Variants in NTM observed in about 807,000 individuals in gnomAD.
NTM encodes neurotrimin.
In NTM, 13 loss-of-function variants were observed where a neutral mutation model predicts 42.1. The ratio of observed to expected loss-of-function variants is 0.31; its 90% CI spans 0.20 to 0.49. The LOEUF (loss-of-function observed/expected upper bound fraction) is 0.49, where lower values mean the gene tolerates loss of function less well. Among genes scored for constraint, NTM ranks in the 20% least tolerant of loss-of-function variants. The pLI is 0.99. For synonymous variants in NTM, 187 were observed against 179.2 expected (o/e 1.04, Z -0.35); for missense variants, 373 against 452.8 (o/e 0.82, Z 1.60).
intron 1 of NTM, among the ~76,000 whole-genome samples, chr11:131,835,635 T>A (rs1457804767): frequency 1.3e-5 from 2 of 152,184 alleles, no homozygotes; most frequent in Non-Finnish European, 2.9e-5. Flanking sequence ...CATACCTTGC[T>A]GCTGAAACCT....
intron 1 of NTM, among the ~76,000 whole-genome samples, chr11:131,582,984 T>C (rs1247828954): frequency 6.6e-6 from 1 of 152,234 alleles, no homozygotes; most frequent in Non-Finnish European, 1.5e-5. Context: ...GGGATTTCTG[T>C]AGGACGATGG....
chr11:132,228,151 C>T (rs1592362304), intron 4 of NTM, among the ~76,000 whole-genome samples: 2 of 152,182 alleles, frequency 1.3e-5, no homozygotes, highest in East Asian at 1.9e-4. Context: ...GCAGGGGCAA[C>T]CCAACGCCAC....
intron 1 of NTM, among the ~76,000 whole-genome samples, chr11:131,491,377 A>G (rs1954771119): frequency 6.7e-6 from 1 of 149,806 alleles, no homozygotes; most frequent in Non-Finnish European, 1.5e-5. Flanking sequence ...ATTTAATAAC[A>G]ATATTATTTT....
intron 4 of NTM, among the ~76,000 whole-genome samples, chr11:132,218,497 G>A (rs1021742306): frequency 2.0e-5 from 3 of 152,136 alleles, no homozygotes; most frequent in African/African-American, 7.2e-5. Context: ...AGGAAAGAGG[G>A]ACCTAGGGCG....
chr11:132,170,454 C>T (rs2137825478), intron 3 of NTM, among the ~76,000 whole-genome samples: 1 of 152,306 alleles, frequency 6.6e-6, no homozygotes, highest in East Asian at 1.9e-4. Flanking sequence ...ACATATACAC[C>T]TCTCTCCCTC....
At chr11:131,719,814 T>C (rs1203127823) in intron 1 of NTM, among the ~76,000 whole-genome samples, 1 of 152,132 alleles carries the variant, frequency 6.6e-6, no homozygotes, top group African/African-American at 2.4e-5. Flanking sequence ...AGGATCTAAG[T>C]GGAAAAGTAA....
chr11:132,209,433 AG>A (rs2082483040), intron 3 of NTM, among the ~76,000 whole-genome samples: 1 of 123,100 alleles, frequency 8.1e-6, no homozygotes, highest in South Asian at 2.4e-4. Flanking sequence ...ATGCATATGC[AG>A]AGACACACAC....
At chr11:131,814,285 C>A (rs2092858349) in intron 1 of NTM, among the ~76,000 whole-genome samples, 1 of 152,158 alleles carries the variant, frequency 6.6e-6, no homozygotes, top group Non-Finnish European at 1.5e-5. Flanking sequence ...CAGCTGAAAA[C>A]TTCCTGAATG....
chr11:132,285,786 C>T lies in NTM; in HGVS notation c.527-21903C>T, dbSNP rs549431392. Among the ~76,000 whole-genome samples, 5 of 152,182 alleles carry T rather than the reference C, an allele frequency of 3.3e-5. No individual in the cohort carries two copies. In the East Asian group the frequency reaches 5.8e-4, roughly 18 times the overall value. ...TGCTCTGGCCATATTTACTGCCAGT[C>T]GCTGTCCCTTAGACTGTCTGCCTCT... is the stretch of plus-strand genomic sequence containing the variant. On this transcript the variant is annotated intron_variant, in intron 4 of 8. Transcript: ENST00000683400.
intron 1 of NTM, among the ~76,000 whole-genome samples, chr11:131,844,310 G>A (rs887090327): frequency 6.6e-6 from 1 of 151,994 alleles, no homozygotes; most frequent in African/African-American, 2.4e-5. Context: ...TTCTGTATTC[G>A]GACTTTTATC....
intron 1 of NTM, chr11:131,660,721 G>A: frequency 4.2e-6 from 2 of 471,342 alleles, no homozygotes; most frequent in Non-Finnish European, 7.2e-6. Flanking sequence ...GACGGAGGAG[G>A]CAAAGAAACA....
intron 2 of NTM, among the ~76,000 whole-genome samples, chr11:132,129,603 T>A: frequency 6.6e-6 from 1 of 152,336 alleles, no homozygotes; most frequent in Non-Finnish European, 1.5e-5. Context: ...CTTCAGTTAA[T>A]CTACAGCTTC....
intron 7 of NTM, among the ~76,000 whole-genome samples, chr11:132,329,466 T>A (rs543692264): frequency 6.6e-6 from 1 of 152,156 alleles, no homozygotes; most frequent in Non-Finnish European, 1.5e-5. Flanking sequence ...TCCCAGCAAG[T>A]GCAACTGTAG....
At chr11:132,165,530 G>C in intron 3 of NTM, among the ~76,000 whole-genome samples, 1 of 152,284 alleles carries the variant, frequency 6.6e-6, no homozygotes, top group South Asian at 2.1e-4. Flanking sequence ...CTTTCCATGT[G>C]ACAGGTACTA....
At chr11:131,375,900 TC>T (rs1208549105) in intron 1 of NTM, among the ~76,000 whole-genome samples, 2 of 152,186 alleles carry the variant, frequency 1.3e-5, no homozygotes, top group Non-Finnish European at 2.9e-5. Flanking sequence ...CCATTTTCCT[TC>T]CCATTCTCTC....
rs144415814 is a variant in NTM at position 131,719,387 on chromosome 11, A to G, written c.83-192177A>G. On this transcript the variant is annotated intron_variant, in intron 1 of 8. Transcript: ENST00000683400. Reference sequence around the variant, plus strand: ...ACAACTGTTTCTCTTGGTCACCTCCATAATGTCAGAGAGAACATTCAAAGA... The same window carrying G: ...ACAACTGTTTCTCTTGGTCACCTCCGTAATGTCAGAGAGAACATTCAAAGA... Among the ~76,000 whole-genome samples, 75 of 152,336 alleles carry G rather than the reference A, an allele frequency of 4.9e-4. 1 individual carries two copies. The highest frequency in any genetic ancestry group is 1.8e-3 in the African/African-American group (73 of 41,586).
At chr11:131,829,907 T>C (rs929493322) in intron 1 of NTM, among the ~76,000 whole-genome samples, 2 of 152,200 alleles carry the variant, frequency 1.3e-5, no homozygotes, top group Non-Finnish European at 2.9e-5. Flanking sequence ...ACTGTGGTTT[T>C]ATTTGCATTT....
intron 1 of NTM, among the ~76,000 whole-genome samples, chr11:131,896,839 C>T (rs2052362292): frequency 6.6e-6 from 1 of 152,022 alleles, no homozygotes; most frequent in Admixed American, 6.5e-5. Context: ...CAGGCGCCCG[C>T]CACCAAGCCG....
chr11:131,854,014 G>A (rs1279081642), intron 1 of NTM, among the ~76,000 whole-genome samples: 3 of 152,220 alleles, frequency 2.0e-5, no homozygotes, highest in Non-Finnish European at 4.4e-5. Context: ...AGAAGGTCCT[G>A]GAGTAGATGC....
Sources: gnomAD v4.1 joint callset for allele counts (sites outside exome capture counted in the v4.1 genomes callset) on GRCh38, gnomAD v4.1.1 for gene constraint, MANE v1.5 for transcripts, NCBI Gene and HGNC (gene_info 2026-07-23, HGNC 2026-07-21) for gene names.